The following MACROD2 variants were observed in gnomAD, a reference collection of about 807,000 sequenced individuals.
The protein encoded by MACROD2 is mono-ADP ribosylhydrolase 2, also known as ADP-ribose glycohydrolase MACROD2.
MACROD2 carries 36 observed loss-of-function variants against 70.4 expected under a neutral mutation model. The ratio of observed to expected loss-of-function variants is 0.51; its 90% CI spans 0.39 to 0.68. The LOEUF (loss-of-function observed/expected upper bound fraction) is 0.68, where lower values mean the gene tolerates loss of function less well. Among genes scored for constraint, MACROD2 ranks in the 30% least tolerant of loss-of-function variants. The pLI, the probability that MACROD2 is intolerant of heterozygous loss-of-function variation, is 0.00. For synonymous variants in MACROD2, 172 were observed against 178.8 expected (o/e 0.96, Z 0.30); for missense variants, 496 against 538.4 (o/e 0.92, Z 0.78).
chr20:15,644,010 G>A (rs1381950837), intron 8 of MACROD2, among the ~76,000 whole-genome samples: 2 of 152,058 alleles, frequency 1.3e-5, no homozygotes, highest in African/African-American at 2.4e-5. Context: ...GATAGTCCTC[G>A]CAATGTGTCT....
At chr20:14,098,545 G>A (rs1293340134) in intron 3 of MACROD2, among the ~76,000 whole-genome samples, 1 of 152,092 alleles carries the variant, frequency 6.6e-6, no homozygotes, top group African/African-American at 2.4e-5. Flanking sequence ...TAGAATATAT[G>A]AATTTTTATA....
chr20:14,230,654 T>TATATATATAAAAAAAA, intron 3 of MACROD2, among the ~76,000 whole-genome samples: 5 of 74,240 alleles, frequency 6.7e-5, no homozygotes, highest in East Asian at 5.8e-4. Flanking sequence ...TATATATATA[T>TATATATATAAAAAAAA]AACACAGGCT....
At chr20:15,799,462 C>G (rs975281140) in intron 8 of MACROD2, among the ~76,000 whole-genome samples, 17 of 152,160 alleles carry the variant, frequency 1.1e-4, no homozygotes, top group African/African-American at 3.9e-4. Flanking sequence ...CCCACACTTT[C>G]CAGCCTCTGG....
chr20:14,213,594 A>G (rs766075975), intron 3 of MACROD2, among the ~76,000 whole-genome samples: 4 of 151,976 alleles, frequency 2.6e-5, no homozygotes, highest in African/African-American at 4.8e-5. Flanking sequence ...TTACCGGGAT[A>G]TAGCTTCAAT....
intron 12 of MACROD2, among the ~76,000 whole-genome samples, chr20:15,950,112 TA>T (rs2065884000): frequency 6.6e-6 from 1 of 152,194 alleles, no homozygotes; most frequent in South Asian, 2.1e-4. Flanking sequence ...CCAATCTGAG[TA>T]AACACAAAAC....
intron 7 of MACROD2, among the ~76,000 whole-genome samples, chr20:15,469,237 C>T (rs1364275410): frequency 6.6e-6 from 1 of 152,146 alleles, no homozygotes; most frequent in African/African-American, 2.4e-5. Context: ...ATGTTAAAAT[C>T]TGTTGATTGG....
chr20:14,936,590 G>A (rs946026752), intron 5 of MACROD2, among the ~76,000 whole-genome samples: 1 of 151,958 alleles, frequency 6.6e-6, no homozygotes, highest in Non-Finnish European at 1.5e-5. Context: ...AGCTGATCCA[G>A]GTTATATGGG....
chr20:14,467,423 G>T (rs999786844), intron 3 of MACROD2, among the ~76,000 whole-genome samples: 1 of 152,088 alleles, frequency 6.6e-6, no homozygotes, highest in African/African-American at 2.4e-5. Context: ...GATTTTCCAG[G>T]TGCCATCTGT....
intron 8 of MACROD2, among the ~76,000 whole-genome samples, chr20:15,604,862 T>C (rs1441116212): frequency 6.6e-6 from 1 of 152,200 alleles, no homozygotes; most frequent in East Asian, 1.9e-4. Flanking sequence ...TGAAATAATT[T>C]CATAACACAT....
At chr20:15,836,917 G>C (rs959149536) in intron 8 of MACROD2, among the ~76,000 whole-genome samples, 1 of 152,202 alleles carries the variant, frequency 6.6e-6, no homozygotes, top group Non-Finnish European at 1.5e-5. Flanking sequence ...GTGCCTATAA[G>C]GTTTGCCTTG....
chr20:14,606,587 AATT>A, intron 4 of MACROD2, among the ~76,000 whole-genome samples: 1 of 152,304 alleles, frequency 6.6e-6, no homozygotes, highest in African/African-American at 2.4e-5. Flanking sequence ...GTTGGCAATA[AATT>A]ATTATTGTTT....
intron 5 of MACROD2, among the ~76,000 whole-genome samples, chr20:14,686,243 T>C (rs911641927): frequency 6.6e-6 from 1 of 152,172 alleles, no homozygotes; most frequent in Non-Finnish European, 1.5e-5. Flanking sequence ...TTTCAGATTT[T>C]GAAATATTTG....
intron 8 of MACROD2, among the ~76,000 whole-genome samples, chr20:15,500,137 G>A (rs2145016): frequency 0.42 from 64,465 of 151,896 alleles, 14,346 homozygotes; most frequent in Non-Finnish European, 0.49. Flanking sequence ...AAAGAGAAGG[G>A]GATGGATTTC....
intron 5 of MACROD2, among the ~76,000 whole-genome samples, chr20:14,852,090 G>A (rs1051103873): frequency 6.6e-6 from 1 of 152,166 alleles, no homozygotes; most frequent in African/African-American, 2.4e-5. Context: ...AGATTGGGAA[G>A]AGCATCTGAA....
At chr20:14,681,942 TG>T (rs1403372755) in intron 4 of MACROD2, among the ~76,000 whole-genome samples, 2 of 152,098 alleles carry the variant, frequency 1.3e-5, no homozygotes, top group Non-Finnish European at 2.9e-5. Flanking sequence ...TCCTAGGAAA[TG>T]GAGATGATAA....
intron 5 of MACROD2, among the ~76,000 whole-genome samples, chr20:14,790,348 A>G (rs2072435150): frequency 1.3e-5 from 2 of 152,092 alleles, no homozygotes; most frequent in South Asian, 2.1e-4. Context: ...AGGGCAAAGT[A>G]TAGGTAGTGT....
intron 3 of MACROD2, among the ~76,000 whole-genome samples, chr20:14,111,654 A>G (rs1164873491): frequency 2.0e-5 from 3 of 152,070 alleles, no homozygotes; most frequent in Non-Finnish European, 4.4e-5. Context: ...CAAAACTTCA[A>G]TAAGATATCA....
chr20:15,158,925 T>C (rs2076328179), intron 5 of MACROD2, among the ~76,000 whole-genome samples: 1 of 152,134 alleles, frequency 6.6e-6, no homozygotes, highest in African/African-American at 2.4e-5. Flanking sequence ...ATGTTGACCA[T>C]GGTTCTGTTC....
chr20:15,303,959 T>G (rs2077671702), intron 6 of MACROD2, among the ~76,000 whole-genome samples: 1 of 152,192 alleles, frequency 6.6e-6, no homozygotes, highest in East Asian at 1.9e-4. Context: ...TTCTAGCAGT[T>G]TCCTATAGTA....
Sources: allele counts gnomAD v4.1 joint callset (sites outside exome capture counted in the v4.1 genomes callset), GRCh38; gene constraint gnomAD v4.1.1; transcripts MANE v1.5; gene names NCBI Gene and HGNC (gene_info 2026-07-23, HGNC 2026-07-21).